Variants in NSMAF observed in about 807,000 individuals in gnomAD.
The protein encoded by NSMAF is protein FAN.
NSMAF carries 90 observed loss-of-function variants against 134.9 expected under a neutral mutation model. The ratio of observed to expected loss-of-function variants is 0.67; its 90% CI spans 0.56 to 0.79. The LOEUF is 0.79. Ranked by LOEUF, NSMAF falls within the 30% of genes least tolerant of loss-of-function variation. NSMAF has a pLI of 0.00. For missense variants in NSMAF, 1,010 were observed against 1,119.0 expected (o/e 0.90, Z 1.39); for synonymous variants, 358 against 389.6 (o/e 0.92, Z 0.96).
At chr8:58,601,936 ACT>A (rs1806291765) in intron 14 of NSMAF, 120 bp downstream of exon 14, 1 of 710,894 alleles carries the variant, frequency 1.4e-6, no homozygotes, top group African/African-American at 1.8e-5. Context: ...GTAAGAAAAA[ACT>A]CTACGTAGAG....
intron 9 of NSMAF, among the ~76,000 whole-genome samples, chr8:58,618,756 T>C (rs1253877478): frequency 1.3e-5 from 2 of 152,130 alleles, no homozygotes; most frequent in African/African-American, 4.8e-5. Context: ...TTTAAAATTT[T>C]TCAAAATAAA....
At chr8:58,622,681 C>T (rs1483050604) in intron 9 of NSMAF, among the ~76,000 whole-genome samples, 1 of 152,122 alleles carries the variant, frequency 6.6e-6, no homozygotes, top group Non-Finnish European at 1.5e-5. Flanking sequence ...GCATGAGCCA[C>T]CGTGCCCAGC....
chr8:58,638,472 C>T (rs541541434), intron 2 of NSMAF, among the ~76,000 whole-genome samples: 30 of 152,234 alleles, frequency 2.0e-4, no homozygotes, highest in African/African-American at 7.2e-4. Context: ...CACAATACAT[C>T]CACATATATG....
rs1230141858 is a variant in NSMAF, at chr8:58,603,399, G to A, written c.869-13C>T. On this transcript the variant is annotated splice_polypyrimidine_tract_variant and intron_variant, in intron 12 of 30. Coordinates refer to ENST00000038176, the MANE Select transcript of NSMAF (RefSeq NM_003580.4). ...GCCACATGGTGCTCTGGGGGAAGAGGACCCACGAGGTCTGCCACTTAACTT... is the reference window on the plus strand; with the variant it reads ...GCCACATGGTGCTCTGGGGGAAGAGAACCCACGAGGTCTGCCACTTAACTT... The A allele has an allele frequency of 6.2e-7, 1 of 1,612,208 alleles. No individual in the cohort carries two copies. Among genetic ancestry groups the A allele is most frequent in the East Asian group, 2.2e-5 (1 of 44,856 alleles).
At chr8:58,638,091 C>A (rs889517262) in intron 2 of NSMAF, among the ~76,000 whole-genome samples, 1 of 152,124 alleles carries the variant, frequency 6.6e-6, no homozygotes, top group African/African-American at 2.4e-5. Flanking sequence ...ACTATGTCAC[C>A]CAGGCTAGAG....
intron 9 of NSMAF, among the ~76,000 whole-genome samples, chr8:58,611,630 C>T (rs755512564): frequency 6.6e-6 from 1 of 151,990 alleles, no homozygotes; most frequent in Non-Finnish European, 1.5e-5. Flanking sequence ...ATGTTGATAT[C>T]ACAAAGAACT....
At chr8:58,600,306 G>A in intron 16 of NSMAF, 1 of 358,510 alleles carries the variant, frequency 2.8e-6, no homozygotes, top group Non-Finnish European at 5.0e-6. Flanking sequence ...GGGCCAAATG[G>A]AGCAGGGTGC....
At chr8:58,636,830 TC>T (rs1807183862) in intron 2 of NSMAF, among the ~76,000 whole-genome samples, 1 of 152,198 alleles carries the variant, frequency 6.6e-6, no homozygotes, top group Admixed American at 6.5e-5. Flanking sequence ...ATTTTATCAT[TC>T]CTTCTATGTT....
intron 5 of NSMAF, among the ~76,000 whole-genome samples, chr8:58,634,911 G>C (rs1460258596): frequency 6.6e-6 from 1 of 152,190 alleles, no homozygotes; most frequent in African/African-American, 2.4e-5. Context: ...GAAGCTACGG[G>C]AAGAGCTGCA....
At chr8:58,624,956 A>C (rs1203488238) in intron 6 of NSMAF, among the ~76,000 whole-genome samples, 1 of 152,196 alleles carries the variant, frequency 6.6e-6, no homozygotes, top group Admixed American at 6.5e-5. Flanking sequence ...GGTGATGATT[A>C]ATTTTATATG....
In NSMAF at chr8:58,623,704, C is replaced by G; in HGVS notation, c.456+5G>C. The G allele has an allele frequency of 6.2e-7, 1 of 1,612,942 alleles. No homozygotes were observed. The highest frequency in any genetic ancestry group is 1.1e-5 in the South Asian group (1 of 90,930). ...CTTTGAATTTTCTACCCAGCAAGTG[C>G]TTACCTGAAGCAACGTCTCCACAAC... On this transcript the variant is annotated splice_donor_5th_base_variant and intron_variant, in intron 7 of 30. Transcript: ENST00000038176.
At chr8:58,601,560 AT>A (rs1806282533) in intron 14 of NSMAF, 25 bp from the exon 15 acceptor site, 2 of 1,575,246 alleles carry the variant, frequency 1.3e-6, no homozygotes, top group South Asian at 1.2e-5. Flanking sequence ...AAAAAAAAAA[AT>A]AGAGCTAAGT....
chr8:58,607,170 G>A (rs761804725), intron 11 of NSMAF, among the ~76,000 whole-genome samples: 7 of 152,280 alleles, frequency 4.6e-5, no homozygotes, highest in East Asian at 3.9e-4. Flanking sequence ...TATTGGTGTC[G>A]AATTAAAACA....
At chr8:58,647,714 C>T (rs530251189) in intron 1 of NSMAF, among the ~76,000 whole-genome samples, 1 of 152,182 alleles carries the variant, frequency 6.6e-6, no homozygotes, top group African/African-American at 2.4e-5. Flanking sequence ...ATAGTAAAAG[C>T]TCCCTGAGGC....
intron 23 of NSMAF, among the ~76,000 whole-genome samples, chr8:58,592,910 ACAAC>A (rs149487246): frequency 2.3e-4 from 21 of 91,382 alleles, no homozygotes; most frequent in African/African-American, 5.7e-4. Flanking sequence ...AACAAAAACA[ACAAC>A]AACAAAAAAA....
chr8:58,640,081 T>G (rs1294093665), intron 2 of NSMAF: 1 of 455,512 alleles, frequency 2.2e-6, no homozygotes, highest in Non-Finnish European at 4.4e-6. Flanking sequence ...GTGCACAAGT[T>G]GTCCATTATC....
rs748526525 is a variant in NSMAF at position 58,623,288 on chromosome 8, CA to C, written c.505-17del. ...TAGCTGTTATCTATTAAAACAGAAC[CA>C]GAAAAAAAGTATTTATAAGTATTTA... On this transcript the variant is annotated splice_polypyrimidine_tract_variant and intron_variant, in intron 8 of 30. Transcript: ENST00000038176. 2.5e-5 allele frequency: 39 copies of C among 1,561,994 alleles called. No homozygotes were observed. Among genetic ancestry groups the C allele is most frequent in the Non-Finnish European group, 3.2e-5 (37 of 1,142,214 alleles).
At chr8:58,586,977 G>A (rs1032561097) in intron 27 of NSMAF, among the ~76,000 whole-genome samples, 2 of 152,168 alleles carry the variant, frequency 1.3e-5, no homozygotes, top group Non-Finnish European at 2.9e-5. Flanking sequence ...GGGATTTGTG[G>A]GAGTGGCGGA....
intron 9 of NSMAF, among the ~76,000 whole-genome samples, chr8:58,619,405 T>G (rs1353169294): frequency 6.6e-6 from 1 of 152,122 alleles, no homozygotes; most frequent in Non-Finnish European, 1.5e-5. Context: ...CACATAATAA[T>G]CCATAAATAA....
Sources: gnomAD v4.1 joint callset for allele counts (sites outside exome capture counted in the v4.1 genomes callset) on GRCh38, gnomAD v4.1.1 for gene constraint, MANE v1.5 for transcripts, NCBI Gene and HGNC (gene_info 2026-07-23, HGNC 2026-07-21) for gene names.